The following MDN1 variants were observed in gnomAD, a reference collection of about 807,000 sequenced individuals.
The protein encoded by MDN1 is midasin AAA ATPase 1, also known as midasin.
Under a neutral mutation model 669.2 loss-of-function variants are expected in MDN1, and 266 were observed. The ratio of observed to expected loss-of-function variants is 0.40; its 90% confidence interval spans 0.36 to 0.44. The LOEUF (loss-of-function observed/expected upper bound fraction) is 0.44, where lower values mean the gene tolerates loss of function less well. Ranked by LOEUF, MDN1 falls within the 20% of genes least tolerant of loss-of-function variation. The pLI is 1.00. For missense variants in MDN1, 5,940 were observed against 6,754.0 expected (o/e 0.88, Z 4.22); for synonymous variants, 2,385 against 2,457.1 (o/e 0.97, Z 0.87).
chr6:89,702,155 T>A (rs547992738), intron 53 of MDN1, 94 bp from the exon 54 acceptor site: 2 of 1,243,824 alleles, frequency 1.6e-6, no homozygotes, highest in Non-Finnish European at 2.2e-6. Context: ...CTCACCAACA[T>A]CTCCCGGGAA....
rs188753469 is a variant in MDN1, at chr6:89,728,690, G to T, written c.5349+241C>A. ...TAATAATAATACAAAAATTAGCTAG[G>T]TGTGGTGGCGGGCACCTGTAATCCC... On this transcript the variant is annotated intron_variant, in intron 36 of 101. Transcript: ENST00000369393. Among the ~76,000 whole-genome samples, 17 of 152,228 alleles carry T rather than the reference G, an allele frequency of 1.1e-4. No homozygotes were observed. The East Asian group carries it at 3.3e-3, about 29-fold the overall frequency.
chr6:89,695,857 G>T lies in MDN1; in HGVS notation c.9519C>A (p.Phe3173Leu). Residue 3173 changes from phenylalanine to leucine, a missense_variant, in exon 61 of 102, where the codon TTC (phenylalanine) becomes TTA (leucine). By Grantham distance (22) the Phe-to-Leu change is conservative. Transcript: ENST00000369393. The surrounding 1 kb of genome is among the most constrained non-coding windows in gnomAD (Gnocchi z 4.1). ...EQLLLGSSQA[F>L]QHVGQTLGDM... ...CCCCAAGTGTCTGGCCCACATGCTG[G>T]AAGGCCTGGCTGCTCCCAAGCAGCA... The T allele has an allele frequency of 2.5e-6, 4 of 1,613,636 alleles. No individual in the cohort carries two copies. In the South Asian group the frequency reaches 3.3e-5, roughly 13 times the overall value.
At position 89,781,522 on chromosome 6, in the gene MDN1, G is replaced by A. The variant is rs1406622628; in HGVS notation, c.1520C>T (p.Thr507Ile). 1 of 1,613,748 alleles carries A rather than the reference G, an allele frequency of 6.2e-7. No homozygotes were observed. Among genetic ancestry groups the A allele is most frequent in the Non-Finnish European group, 8.5e-7 (1 of 1,179,736 alleles). The change falls in exon 10 of 102, where the codon ACT (threonine) becomes ATT (isoleucine). Residue 507 changes from threonine to isoleucine, a missense_variant. This residue lies in a region of MDN1 where 1,203 missense variants were observed against 1,268.9 expected (regional missense o/e 0.95). Transcript: ENST00000369393. ...ACTCCAAGAGTGATGTTTCTCTCCAGTAAGTTGGATATAAATGTCAAGCAG... is the reference window on the plus strand; with the variant it reads ...ACTCCAAGAGTGATGTTTCTCTCCAATAAGTTGGATATAAATGTCAAGCAG... The part of the protein sequence containing the change: ...DHLLDIYIQL[T>I]GEKHHSWSDS...
chr6:89,697,185 G>C (rs943467059), intron 59 of MDN1, among the ~76,000 whole-genome samples: 12 of 152,338 alleles, frequency 7.9e-5, no homozygotes, highest in African/African-American at 2.9e-4. Context: ...CATTTCACAT[G>C]AGAGTGGAAA....
chr6:89,803,222 T>G (rs1340299756), intron 2 of MDN1, 106 bp downstream of exon 2: 1 of 928,876 alleles, frequency 1.1e-6, no homozygotes, highest in East Asian at 2.4e-5. Context: ...TCTCTCTCCT[T>G]TCTGTATTTC....
chr6:89,808,948 G>T (rs1383701263), intron 1 of MDN1, among the ~76,000 whole-genome samples: 1 of 152,130 alleles, frequency 6.6e-6, no homozygotes, highest in Non-Finnish European at 1.5e-5. Flanking sequence ...TGGGCACGGT[G>T]GCTCATGCCT....
In MDN1 at chr6:89,690,712, TTCC is replaced by T. The variant is rs749140280; in HGVS notation, c.10707_10709del (p.Glu3571del). On this transcript the variant is annotated inframe_deletion, in exon 64 of 102. Coordinates refer to ENST00000369393, the MANE Select transcript of MDN1 (RefSeq NM_014611.3). The stretch of plus-strand genomic sequence containing the variant: ...GGAACTGTTTTCTGAACTCCCGTTC[TTCC>T]TCCTCCTCTTCACTCAGGGCTGTCC... The T allele has an allele frequency of 5.0e-6, 8 of 1,614,164 alleles. 1 individual carries two copies. The highest frequency in any genetic ancestry group is 4.4e-5 in the South Asian group (4 of 91,076).
At chr6:89,651,265 C>T (rs1026587274) in intron 95 of MDN1, among the ~76,000 whole-genome samples, 5 of 140,634 alleles carry the variant, frequency 3.6e-5, no homozygotes, top group Admixed American at 7.7e-5. Flanking sequence ...GCGGAGGTTG[C>T]AGTGGGTCAA....
chr6:89,809,439 T>C (rs1768234771), intron 1 of MDN1, among the ~76,000 whole-genome samples: 1 of 152,022 alleles, frequency 6.6e-6, no homozygotes, highest in Non-Finnish European at 1.5e-5. Flanking sequence ...GAGACCAGCC[T>C]GGGCAACATG....
rs200936287 is a variant in MDN1 at position 89,758,370 on chromosome 6, A to G, written c.2606-19T>C. 1.4e-4 allele frequency: 222 copies of G among 1,573,178 alleles called. No individual in the cohort carries two copies. Among genetic ancestry groups the G allele is most frequent in the South Asian group, 9.2e-4 (80 of 87,176 alleles). On this transcript the variant is annotated intron_variant, in intron 18 of 101. Transcript: ENST00000369393. ...AGTGGCTCTGTTAAGAGAAAATTAC[A>G]AATTCTCAACAAAGGTATGATTATC...
intron 13 of MDN1, among the ~76,000 whole-genome samples, chr6:89,774,151 G>C (rs572975721): frequency 6.6e-4 from 101 of 152,224 alleles, no homozygotes; most frequent in Non-Finnish European, 9.9e-4. Flanking sequence ...ATGGTAATTT[G>C]TTATGGCAGC....
chr6:89,818,650 A>G (rs1286961302), intron 1 of MDN1, among the ~76,000 whole-genome samples: 1 of 151,744 alleles, frequency 6.6e-6, no homozygotes, highest in Admixed American at 6.6e-5. Flanking sequence ...TCTCTACTAA[A>G]AATACAAAAA....
chr6:89,810,254 G>A (rs897843423), intron 1 of MDN1, among the ~76,000 whole-genome samples: 4 of 151,388 alleles, frequency 2.6e-5, no homozygotes, highest in African/African-American at 4.9e-5. Context: ...TGAGCAATAC[G>A]GTGAAACCCC....
intron 27 of MDN1, 40 bp from the exon 28 acceptor site, chr6:89,745,666 A>G (rs1269924714): frequency 1.3e-6 from 2 of 1,592,598 alleles, no homozygotes; most frequent in Admixed American, 3.4e-5. Context: ...GGAATCATCA[A>G]GTGTCTACCG....
chr6:89,661,564 T>G lies in MDN1; in HGVS notation c.14580A>C (p.Glu4860Asp). The G allele has an allele frequency of 6.2e-7, 1 of 1,614,112 alleles. No individual in the cohort carries two copies. Among genetic ancestry groups the G allele is most frequent in the Non-Finnish European group, 8.5e-7 (1 of 1,180,004 alleles). The change falls in exon 88 of 102, where the codon GAA becomes GAC. Residue 4860 changes from glutamate to aspartate, a missense_variant. Glu to Asp is a conservative substitution (Grantham distance 45). This residue lies in a region of MDN1 where 2,280 missense variants were observed against 2,576.3 expected (regional missense o/e 0.88). Coordinates refer to ENST00000369393, the MANE Select transcript of MDN1 (RefSeq NM_014611.3). ...TGCCATGGTAAGGGTCCACCTCATT[T>G]TCATCATAGTCCCTCTTTGGGACAA... ...NEQIDERDYDENEVDPYHGNQ... is the reference protein window; with the variant it reads ...NEQIDERDYDDNEVDPYHGNQ...
chr6:89,782,845 A>G (rs1818753297), intron 9 of MDN1, among the ~76,000 whole-genome samples: 1 of 152,164 alleles, frequency 6.6e-6, no homozygotes, highest in African/African-American at 2.4e-5. Context: ...TGGAGGGACC[A>G]GCTGGAGCCA....
At chr6:89,772,464 G>T in intron 14 of MDN1, 109 bp downstream of exon 14, 2 of 1,219,402 alleles carry the variant, frequency 1.6e-6, no homozygotes, top group Non-Finnish European at 2.3e-6. Context: ...CATGTGGGGT[G>T]CTGGCACTCT....
At chr6:89,645,789 T>G (rs1280358627) in intron 100 of MDN1, among the ~76,000 whole-genome samples, 4 of 152,218 alleles carry the variant, frequency 2.6e-5, no homozygotes, top group Non-Finnish European at 5.9e-5. Flanking sequence ...GTGGGCTGTT[T>G]TAGCAAATGT....
chr6:89,729,143 A>G lies in MDN1; in HGVS notation c.5141-4T>C. 6.2e-7 allele frequency: 1 copy of G among 1,607,676 alleles called. No homozygotes were observed. Among genetic ancestry groups the G allele is most frequent in the Non-Finnish European group, 8.5e-7 (1 of 1,177,814 alleles). On this transcript the variant is annotated splice_polypyrimidine_tract_variant and splice_region_variant and intron_variant, in intron 35 of 101. Coordinates refer to ENST00000369393, the MANE Select transcript of MDN1 (RefSeq NM_014611.3). ...TTATTCCTGTGTAGGACAGGTCCTTAAGTGGAGAAAAGTAAAGTCATGTAT... is the reference window on the plus strand; with the variant it reads ...TTATTCCTGTGTAGGACAGGTCCTTGAGTGGAGAAAAGTAAAGTCATGTAT...
Sources: gnomAD v4.1 joint callset for allele counts (sites outside exome capture counted in the v4.1 genomes callset) on GRCh38, gnomAD v4.1.1 for gene constraint, gnomAD v4.1.1 regional missense constraint, Gnocchi (gnomAD v3.1) non-coding constraint, MANE v1.5 for transcripts, NCBI Gene and HGNC (gene_info 2026-07-23, HGNC 2026-07-21) for gene names.